The following COL21A1 variants were observed in gnomAD, a reference collection of about 807,000 sequenced individuals.
COL21A1 encodes collagen alpha-1(XXI) chain.
Under a neutral mutation model 137.9 loss-of-function variants are expected in COL21A1, and 149 were observed. The observed-to-expected ratio is 1.08, with a 90% CI of 0.95 to 1.24. COL21A1 has a LOEUF of 1.24. Among genes scored for constraint, COL21A1 ranks in the 50% most tolerant of loss-of-function variants. The pLI, the probability that COL21A1 is intolerant of heterozygous loss-of-function variation, is 0.00. For synonymous variants in COL21A1, 456 were observed against 391.5 expected (o/e 1.16, Z -1.95); for missense variants, 1,167 against 1,158.4 (o/e 1.01, Z -0.11).
At chr6:56,301,636 C>T (rs908811677) in intron 1 of COL21A1, among the ~76,000 whole-genome samples, 13 of 152,266 alleles carry the variant, frequency 8.5e-5, no homozygotes, top group Non-Finnish European at 1.5e-4. Flanking sequence ...GAGATTACCA[C>T]TTCACCCTTT....
intron 1 of COL21A1, among the ~76,000 whole-genome samples, chr6:56,231,642 C>CATGGTTAATA (rs1251590655): frequency 6.6e-6 from 1 of 151,834 alleles, no homozygotes; most frequent in Non-Finnish European, 1.5e-5. Flanking sequence ...CTAGTAAATA[C>CATGGTTAATA]ATGGTTAATA....
chr6:56,392,672 C>T (rs1399840674), intron 1 of COL21A1, among the ~76,000 whole-genome samples: 1 of 152,022 alleles, frequency 6.6e-6, no homozygotes, highest in Non-Finnish European at 1.5e-5. Context: ...AAAATAAACA[C>T]ACAAAACTCA....
intron 17 of COL21A1, among the ~76,000 whole-genome samples, chr6:56,078,653 A>G (rs1178214638): frequency 6.6e-6 from 1 of 151,662 alleles, no homozygotes; most frequent in Non-Finnish European, 1.5e-5. Flanking sequence ...TTATTGATCA[A>G]TGTGCTAATC....
In COL21A1 at chr6:56,156,990, A is replaced by G. The variant is rs977408303; in HGVS notation, c.1372-41T>C. 6.3e-6 allele frequency: 9 copies of G among 1,428,864 alleles called. No homozygotes were observed. The African/African-American group carries it at 9.8e-5, about 16-fold the overall frequency. 88.5% of individuals were successfully genotyped at this position (1,428,864 alleles called of 1,614,324 possible). On this transcript the variant is annotated intron_variant, in intron 9 of 29. Transcript: ENST00000244728. ...ACAAACTTTTGAGTACAAAACAACC[A>G]GCCACATTGGTGCAGTCAGGATCAA...
At chr6:56,383,380 T>A (rs1371600286) in intron 1 of COL21A1, among the ~76,000 whole-genome samples, 3 of 152,224 alleles carry the variant, frequency 2.0e-5, no homozygotes, top group Admixed American at 2.0e-4. Context: ...TTTCAACATA[T>A]GAATTTGGGG....
chr6:56,080,065 G>C (rs1767616307), intron 17 of COL21A1, among the ~76,000 whole-genome samples: 1 of 151,734 alleles, frequency 6.6e-6, no homozygotes, highest in South Asian at 2.1e-4. Context: ...CTCCCAATAT[G>C]TGTATTGAAA....
At chr6:56,211,342 C>T (rs1363888396) in intron 1 of COL21A1, among the ~76,000 whole-genome samples, 1 of 151,478 alleles carries the variant, frequency 6.6e-6, no homozygotes, top group African/African-American at 2.4e-5. Flanking sequence ...TTATTTATTT[C>T]TAATTTGTTT....
At chr6:56,106,867 A>G (rs1770963073) in intron 16 of COL21A1, among the ~76,000 whole-genome samples, 1 of 152,020 alleles carries the variant, frequency 6.6e-6, no homozygotes, top group African/African-American at 2.4e-5. Context: ...GCTCACTGCA[A>G]GCTCCGCCTC....
At chr6:56,291,930 G>T (rs980295938) in intron 1 of COL21A1, among the ~76,000 whole-genome samples, 2 of 152,292 alleles carry the variant, frequency 1.3e-5, no homozygotes, top group Admixed American at 6.5e-5. Context: ...CACTTTGGGA[G>T]GCCAAGGTGG....
intron 1 of COL21A1, among the ~76,000 whole-genome samples, chr6:56,236,998 C>T (rs964776712): frequency 2.0e-5 from 3 of 151,990 alleles, no homozygotes; most frequent in Non-Finnish European, 4.4e-5. Flanking sequence ...CTATTGAAAA[C>T]AATGGTTATA....
At chr6:56,112,716 C>A (rs962045798) in intron 16 of COL21A1, among the ~76,000 whole-genome samples, 1 of 136,980 alleles carries the variant, frequency 7.3e-6, no homozygotes, top group East Asian at 2.1e-4. Flanking sequence ...CGGAGTTTCG[C>A]TCTTGTTAGC....
chr6:56,260,503 G>A (rs1763224170), intron 1 of COL21A1, among the ~76,000 whole-genome samples: 1 of 151,202 alleles, frequency 6.6e-6, no homozygotes, highest in Non-Finnish European at 1.5e-5. Context: ...GAACCCAGGA[G>A]GTGGAGGTTG....
At chr6:56,195,922 C>T (rs113276042) in intron 1 of COL21A1, among the ~76,000 whole-genome samples, 3,294 of 151,998 alleles carry the variant, frequency 0.022, 57 homozygotes, top group East Asian at 0.056. Context: ...AAGAACACTA[C>T]AAGAAAAAAA....
At chr6:56,058,595 TA>T (rs1765529364) in intron 29 of COL21A1, among the ~76,000 whole-genome samples, 1 of 152,218 alleles carries the variant, frequency 6.6e-6, no homozygotes, top group African/African-American at 2.4e-5. Context: ...GTATTTTACA[TA>T]AATAGTATTA....
chr6:56,092,437 C>A (rs1391668808), intron 17 of COL21A1, among the ~76,000 whole-genome samples: 1 of 151,834 alleles, frequency 6.6e-6, no homozygotes, highest in African/African-American at 2.4e-5. Flanking sequence ...TTCAAATTTA[C>A]AATATGATAA....
At position 56,097,808 on chromosome 6, in the gene COL21A1, AAT is replaced by A. The variant is rs1245199970; in HGVS notation, c.1812+3662_1812+3663del. On this transcript the variant is annotated intron_variant, in intron 17 of 29. Coordinates refer to ENST00000244728, the MANE Select transcript of COL21A1 (RefSeq NM_030820.4). ...AAAAATATATATATAAATCTATATA[AAT>A]ATATATAAATACATATAAATATATA... Among the ~76,000 whole-genome samples the A allele has an allele frequency of 8.5e-5, 9 of 106,258 alleles. 1 individual carries two copies. In the East Asian group the frequency reaches 9.5e-4, roughly 11 times the overall value. 69.7% of individuals were successfully genotyped at this position (106,258 alleles called of 152,430 possible). A position where few individuals can be genotyped will look rare whatever the true frequency, so the allele number is the denominator to read the frequency against.
chr6:56,390,502 A>ACACACACG (rs1450914817), intron 1 of COL21A1, among the ~76,000 whole-genome samples: 3 of 132,944 alleles, frequency 2.3e-5, no homozygotes, highest in African/African-American at 7.7e-5. Flanking sequence ...ATGGACACAC[A>ACACACACG]CACACACACA....
At chr6:56,076,545 G>A (rs1172766967) in intron 18 of COL21A1, among the ~76,000 whole-genome samples, 1 of 151,292 alleles carries the variant, frequency 6.6e-6, no homozygotes, top group African/African-American at 2.4e-5. Flanking sequence ...ACAAAAAGTT[G>A]TGGTTTAAAA....
At chr6:56,171,538 C>T (rs1777059101) in intron 3 of COL21A1, among the ~76,000 whole-genome samples, 1 of 151,892 alleles carries the variant, frequency 6.6e-6, no homozygotes, top group Admixed American at 6.6e-5. Flanking sequence ...TTGGATAATG[C>T]TTTTAATTTA....
Sources: gnomAD v4.1 joint callset for allele counts (sites outside exome capture counted in the v4.1 genomes callset) on GRCh38, gnomAD v4.1.1 for gene constraint, MANE v1.5 for transcripts, NCBI Gene and HGNC (gene_info 2026-07-23, HGNC 2026-07-21) for gene names.